The following SLC47A2 variants were observed in gnomAD, a reference collection of about 807,000 sequenced individuals.
The protein encoded by SLC47A2 is multidrug and toxin extrusion protein 2.
Under a neutral mutation model 67.7 loss-of-function variants are expected in SLC47A2, and 52 were observed. The observed-to-expected ratio is 0.77, with a 90% CI of 0.61 to 0.97. SLC47A2 has a LOEUF of 0.97. Ranked by LOEUF, SLC47A2 falls within the 50% of genes least tolerant of loss-of-function variation. The pLI is 0.00. For missense variants in SLC47A2, 676 were observed against 712.3 expected, an observed-to-expected ratio of 0.95 and a Z score of 0.58; for synonymous variants, 278 against 292.9, an observed-to-expected ratio of 0.95 and a Z score of 0.52.
chr17:19,680,977 GC>G (rs2152337315), intron 15 of SLC47A2, among the ~76,000 whole-genome samples: 1 of 152,190 alleles, frequency 6.6e-6, no homozygotes, highest in Non-Finnish European at 1.5e-5. Context: ...ACTTTGGGAG[GC>G]CAAGGTGGGC....
intron 13 of SLC47A2, among the ~76,000 whole-genome samples, chr17:19,684,426 G>A (rs1379384508): frequency 6.6e-6 from 1 of 152,150 alleles, no homozygotes; most frequent in Non-Finnish European, 1.5e-5. Context: ...CTAAGGCAAT[G>A]CTTAGAGGGA....
At chr17:19,715,506 G>T (rs778758592) in intron 1 of SLC47A2, among the ~76,000 whole-genome samples, 1 of 152,168 alleles carries the variant, frequency 6.6e-6, no homozygotes, top group Non-Finnish European at 1.5e-5. Flanking sequence ...TGCTATTGCA[G>T]TTCCTATTAT....
chr17:19,711,036 C>G (rs1396279756), intron 5 of SLC47A2, among the ~76,000 whole-genome samples: 1 of 144,944 alleles, frequency 6.9e-6, no homozygotes, highest in Non-Finnish European at 1.5e-5. Context: ...CTCAAACTCC[C>G]AACCTCAGGT....
chr17:19,715,303 G>T, intron 1 of SLC47A2, 86 bp from the exon 2 acceptor site: 1 of 1,253,872 alleles, frequency 8.0e-7, no homozygotes, highest in Non-Finnish European at 1.1e-6. Flanking sequence ...AGCTTTGAGG[G>T]CCCCGCACCA....
intron 3 of SLC47A2, chr17:19,714,455 A>G (rs563537283): frequency 1.8e-6 from 1 of 550,966 alleles, no homozygotes; most frequent in Non-Finnish European, 3.3e-6. Context: ...GTCTTTCTCT[A>G]CTTGGTGACC....
intron 9 of SLC47A2, 125 bp from the exon 10 acceptor site, chr17:19,705,628 C>G: frequency 1.2e-6 from 1 of 841,056 alleles, no homozygotes; most frequent in Non-Finnish European, 1.7e-6. Context: ...GAGACAGGGT[C>G]TCACTCTGTC....
At chr17:19,693,087 C>T (rs569953300) in intron 13 of SLC47A2, among the ~76,000 whole-genome samples, 1 of 151,860 alleles carries the variant, frequency 6.6e-6, no homozygotes, top group Non-Finnish European at 1.5e-5. Context: ...GCCCAGATTA[C>T]GCCACTGCAC....
intron 10 of SLC47A2, chr17:19,704,820 T>G: frequency 1.9e-6 from 1 of 527,632 alleles, no homozygotes; most frequent in Non-Finnish European, 3.0e-6. Context: ...CGATGGAATG[T>G]GCTTTTTTTT....
At position 19,678,713 on chromosome 17, in the gene SLC47A2, C is replaced by A; in HGVS notation, c.1674G>T (p.Thr558=). The change falls in exon 17 of 17, where the codon ACG becomes ACT. Residue 558 remains threonine (T), a synonymous_variant. Transcript: ENST00000433844. The part of the protein sequence containing the change: ...AASATLMVGL[T]VRILATRH Reference sequence around the variant, plus strand: ...AGTGCCTGGTGGCTAGGATCCTGACCGTGAGCCCCACCATCAGTGTGGCTG... The same window carrying A: ...AGTGCCTGGTGGCTAGGATCCTGACAGTGAGCCCCACCATCAGTGTGGCTG... The A allele has an allele frequency of 1.2e-6, 2 of 1,613,140 alleles. No individual in the cohort carries two copies. The highest frequency in any genetic ancestry group is 1.7e-6 in the Non-Finnish European group (2 of 1,180,020).
In SLC47A2 at chr17:19,713,967, C is replaced by T. The variant is rs1360933081; in HGVS notation, c.301G>A (p.Gly101Ser). 2.5e-6 allele frequency: 4 copies of T among 1,611,936 alleles called. No homozygotes were observed. In the African/African-American group the frequency reaches 4.0e-5, roughly 16 times the overall value. ...CCCACGTGCTTCTTGTTGGGGCTGC[C>T]GAAGCTCTGCAAAACAGCCCGCCCC... ...ACDTLMSQSFGSPNKKHVGVI... is the reference protein window; with the variant it reads ...ACDTLMSQSFSSPNKKHVGVI... The change falls in exon 4 of 17, where the codon GGC becomes AGC. Residue 101 changes from glycine to serine, a missense_variant. Physicochemically the swap from Gly to Ser is moderately conservative, Grantham distance 56. Coordinates refer to ENST00000433844, the MANE Select transcript of SLC47A2 (RefSeq NM_001099646.3).
intron 16 of SLC47A2, 64 bp from the exon 17 acceptor site, chr17:19,678,970 A>G: frequency 6.9e-7 from 1 of 1,447,668 alleles, no homozygotes; most frequent in South Asian, 1.2e-5. Context: ...TTGGCCTTGG[A>G]ATCGGGAAAC....
rs2086134979 is a variant in SLC47A2 at position 19,712,734 on chromosome 17, T to A, written c.455A>T (p.Asp152Val). Residue 152 changes from aspartate (D) to valine (V), a missense_variant, in exon 5 of 17, where the codon GAC (aspartate) becomes GTC (valine). Coordinates refer to ENST00000433844, the MANE Select transcript of SLC47A2 (RefSeq NM_001099646.3). ...TCCTGGAATGAAAATCATTACATAG[T>A]CCTGGGTCAACCTGCAAGAGAGGGA... ...QDPDVSRLTQ[D>V]YVMIFIPGLP... The A allele has an allele frequency of 2.5e-6, 4 of 1,613,192 alleles. No homozygotes were observed. The highest frequency in any genetic ancestry group is 3.4e-6 in the Non-Finnish European group (4 of 1,179,756).
chr17:19,716,501 G>A lies in SLC47A2; in HGVS notation c.55C>T (p.Leu19Phe). The change falls in exon 1 of 17, where the codon CTC (leucine) becomes TTC (phenylalanine). Residue 19 changes from leucine (L) to phenylalanine (F), a missense_variant. Transcript: ENST00000433844. ...ALDHGGCCPALSRLVPRGFGT... is the reference protein window; with the variant it reads ...ALDHGGCCPAFSRLVPRGFGT... ...AAGCCTCTGGGAACCAGCCTGCTGA[G>A]GGCAGGGCAGCAGCCCCCATGGTCC... 6.2e-7 allele frequency: 1 copy of A among 1,612,676 alleles called. No individual in the cohort carries two copies.
At chr17:19,697,683 GCA>G (rs2085694029) in intron 13 of SLC47A2, among the ~76,000 whole-genome samples, 1 of 151,774 alleles carries the variant, frequency 6.6e-6, no homozygotes, top group South Asian at 2.1e-4. Context: ...GAACTTCTGG[GCA>G]CAAGCTATCC....
chr17:19,690,882 G>C (rs1030000148), intron 13 of SLC47A2, among the ~76,000 whole-genome samples: 1 of 152,076 alleles, frequency 6.6e-6, no homozygotes, highest in Non-Finnish European at 1.5e-5. Flanking sequence ...CACCTTGGGG[G>C]GTCGAGGTGG....
At chr17:19,702,979 TC>T (rs1458320085) in intron 12 of SLC47A2, 112 bp downstream of exon 12, 1 of 1,204,708 alleles carries the variant, frequency 8.3e-7, no homozygotes, top group Non-Finnish European at 1.2e-6. Flanking sequence ...AAGCCTGGGC[TC>T]TTCCTGCTTC....
rs999089488 is a variant in SLC47A2, at chr17:19,705,082, A to G, written c.909+354T>C. The stretch of plus-strand genomic sequence containing the variant: ...CTTTGTGATCCGCCCTCAGCCTCCC[A>G]AAGTACTGGGATTACACACGTGAGC... On this transcript the variant is annotated intron_variant, in intron 10 of 16. Coordinates refer to ENST00000433844, the MANE Select transcript of SLC47A2 (RefSeq NM_001099646.3). The G allele has an allele frequency of 4.3e-5, 15 of 349,042 alleles. No homozygotes were observed. The Admixed American group carries it at 6.6e-4, about 15-fold the overall frequency. The allele number at this position is 349,042 out of a possible 1,614,324, so 21.6% of individuals were successfully genotyped here.
At chr17:19,706,987 T>C (rs2152354145) in intron 8 of SLC47A2, among the ~76,000 whole-genome samples, 1 of 152,268 alleles carries the variant, frequency 6.6e-6, no homozygotes, top group Non-Finnish European at 1.5e-5. Flanking sequence ...ACCTGGCCAG[T>C]CCACGGTGTG....
chr17:19,678,914 AG>A lies in SLC47A2; in HGVS notation c.1481-9del, dbSNP rs1481171543. The A allele has an allele frequency of 6.4e-7, 1 of 1,556,058 alleles. No homozygotes were observed. The highest frequency in any genetic ancestry group is 1.4e-5 in the African/African-American group (1 of 73,316). ...GGGAACTGCCTGTAGCCACTGCGGAAGCAAACAGGAGCAAACTCAGCAGGTC... is the reference window on the plus strand; with the variant it reads ...GGGAACTGCCTGTAGCCACTGCGGAACAAACAGGAGCAAACTCAGCAGGTC... On this transcript the variant is annotated splice_polypyrimidine_tract_variant and intron_variant, in intron 16 of 16. Coordinates refer to ENST00000433844, the MANE Select transcript of SLC47A2 (RefSeq NM_001099646.3).
Sources: allele counts gnomAD v4.1 joint callset (sites outside exome capture counted in the v4.1 genomes callset), GRCh38; gene constraint gnomAD v4.1.1; transcripts MANE v1.5; gene names NCBI Gene and HGNC (gene_info 2026-07-23, HGNC 2026-07-21).